The following ROBO1 variants were observed in gnomAD, a reference collection of about 807,000 sequenced individuals.
ROBO1 encodes roundabout guidance receptor 1, also known as roundabout homolog 1.
ROBO1 carries 149 observed loss-of-function variants against 195.9 expected under a neutral mutation model. The observed-to-expected ratio is 0.76, with a 90% confidence interval of 0.67 to 0.87. The LOEUF is 0.87. Among genes scored for constraint, ROBO1 ranks in the 40% least tolerant of loss-of-function variants. ROBO1 has a pLI of 0.00. For synonymous variants in ROBO1, 816 were observed against 733.2 expected (o/e 1.11, Z -1.82); for missense variants, 1,933 against 2,068.3 (o/e 0.93, Z 1.27).
At chr3:78,711,428 TTTCTTTCTTTCTTTCCTTCC>T (rs2081733700) in intron 8 of ROBO1, among the ~76,000 whole-genome samples, 1 of 105,900 alleles carries the variant, frequency 9.4e-6, no homozygotes, top group Non-Finnish European at 1.9e-5. Context: ...TCTTTCTTTC[TTTCTTTCTTTCTTTCCTTCC>T]TTCCTTCCTT....
chr3:79,146,953 G>A (rs908806141), intron 2 of ROBO1, among the ~76,000 whole-genome samples: 17 of 151,800 alleles, frequency 1.1e-4, no homozygotes, highest in Non-Finnish European at 2.1e-4. Context: ...GAGTGTAATG[G>A]ATATTTCTAA....
At chr3:79,364,075 G>A (rs1435147256) in intron 2 of ROBO1, among the ~76,000 whole-genome samples, 3 of 151,844 alleles carry the variant, frequency 2.0e-5, no homozygotes, top group South Asian at 2.1e-4. Flanking sequence ...GTGGTGGCAC[G>A]CACCTGTAGT....
At chr3:78,918,305 G>T (rs545867388) in intron 4 of ROBO1, among the ~76,000 whole-genome samples, 1 of 152,108 alleles carries the variant, frequency 6.6e-6, no homozygotes, top group South Asian at 2.1e-4. Context: ...TTTGCAAAGA[G>T]AAATATATAA....
chr3:79,732,663 C>T (rs981660338), intron 1 of ROBO1, among the ~76,000 whole-genome samples: 1 of 152,150 alleles, frequency 6.6e-6, no homozygotes, highest in Non-Finnish European at 1.5e-5. Context: ...TCACCGGGCA[C>T]TTTTGGCACC....
intron 2 of ROBO1, among the ~76,000 whole-genome samples, chr3:79,157,156 C>A (rs1327798519): frequency 6.6e-6 from 1 of 151,758 alleles, no homozygotes; most frequent in Non-Finnish European, 1.5e-5. Context: ...TTTGTTGCTG[C>A]CTTTACATTA....
intron 2 of ROBO1, among the ~76,000 whole-genome samples, chr3:79,367,343 CT>C (rs1315167210): frequency 1.3e-5 from 2 of 152,170 alleles, no homozygotes; most frequent in African/African-American, 4.8e-5. Context: ...CAATTCCTTT[CT>C]GATATTAATC....
intron 21 of ROBO1, among the ~76,000 whole-genome samples, chr3:78,642,719 T>G (rs561275743): frequency 2.4e-4 from 36 of 152,310 alleles, no homozygotes; most frequent in African/African-American, 7.9e-4. Flanking sequence ...TCCATGATCA[T>G]TTCCCTGGAT....
At chr3:79,262,931 C>A (rs534214134) in intron 2 of ROBO1, among the ~76,000 whole-genome samples, 1 of 152,124 alleles carries the variant, frequency 6.6e-6, no homozygotes, top group East Asian at 1.9e-4. Flanking sequence ...TCAAGTCAAC[C>A]ATTCTCTAAG....
At chr3:79,711,672 G>A (rs1171444884) in intron 1 of ROBO1, among the ~76,000 whole-genome samples, 2 of 143,778 alleles carry the variant, frequency 1.4e-5, no homozygotes, top group Non-Finnish European at 2.9e-5. Context: ...ACACACACAC[G>A]CAGGCATGCC....
chr3:78,706,774 A>C lies in ROBO1; in HGVS notation c.1045+7623T>G, dbSNP rs544184063. On this transcript the variant is annotated intron_variant, in intron 8 of 30. Coordinates refer to ENST00000464233, the MANE Select transcript of ROBO1 (RefSeq NM_002941.4). ...TAAAATGGGGCAATGATAAGAAGGCAAGGGAGGTGGTGAGAGAGTTGAGAA... is the reference window on the plus strand; with the variant it reads ...TAAAATGGGGCAATGATAAGAAGGCCAGGGAGGTGGTGAGAGAGTTGAGAA... Among the ~76,000 whole-genome samples, 5 of 152,294 alleles carry C rather than the reference A, an allele frequency of 3.3e-5. No homozygotes were observed. In the South Asian group the frequency reaches 1.0e-3, roughly 32 times the overall value.
At chr3:79,288,348 G>C (rs1295352014) in intron 2 of ROBO1, among the ~76,000 whole-genome samples, 1 of 152,064 alleles carries the variant, frequency 6.6e-6, no homozygotes, top group African/African-American at 2.4e-5. Context: ...CCAATGTTAA[G>C]TTTAAAGATA....
chr3:79,395,130 T>C (rs2037095363), intron 2 of ROBO1, among the ~76,000 whole-genome samples: 1 of 151,818 alleles, frequency 6.6e-6, no homozygotes, highest in African/African-American at 2.4e-5. Context: ...AAGACCATCC[T>C]GGCTAACATG....
At chr3:78,725,482 C>CT (rs1251894906) in intron 5 of ROBO1, among the ~76,000 whole-genome samples, 3 of 152,016 alleles carry the variant, frequency 2.0e-5, no homozygotes, top group African/African-American at 4.8e-5. Flanking sequence ...GAAATGACTA[C>CT]TTTTTTTAGG....
In ROBO1 at chr3:78,915,173, C is replaced by T. The variant is rs115882445; in HGVS notation, c.499+23428G>A. ...TTTGTACTCTGGGATCCTGGAAACACAATGCTCAAATATATGAAACTGACA... is the reference window on the plus strand; with the variant it reads ...TTTGTACTCTGGGATCCTGGAAACATAATGCTCAAATATATGAAACTGACA... On this transcript the variant is annotated intron_variant, in intron 4 of 30. Transcript: ENST00000464233. Among the ~76,000 whole-genome samples the T allele has an allele frequency of 2.2e-3, 342 of 152,146 alleles. 1 individual carries two copies. Among genetic ancestry groups the T allele is most frequent in the African/African-American group, 7.9e-3 (327 of 41,520 alleles).
intron 1 of ROBO1, among the ~76,000 whole-genome samples, chr3:79,636,139 G>T (rs1945488952): frequency 6.6e-6 from 1 of 152,076 alleles, no homozygotes; most frequent in South Asian, 2.1e-4. Flanking sequence ...GTGTGGGGGA[G>T]AATTTAAGGA....
rs571038596 is a variant in ROBO1 at position 79,568,922 on chromosome 3, C to A, written c.88+20902G>T. 2.0e-5 allele frequency among the ~76,000 whole-genome samples: 3 copies of A among 152,184 alleles called. 1 individual carries two copies. The highest frequency in any genetic ancestry group is 7.2e-5 in the African/African-American group (3 of 41,546). ...TCACAATCTACATATAATTTTGTTACATTTTTATTTTATGTAACATATTTA... is the reference window on the plus strand; with the variant it reads ...TCACAATCTACATATAATTTTGTTAAATTTTTATTTTATGTAACATATTTA... On this transcript the variant is annotated intron_variant, in intron 2 of 30. Transcript: ENST00000464233.
intron 4 of ROBO1, among the ~76,000 whole-genome samples, chr3:78,779,214 A>C (rs1020234167): frequency 2.6e-5 from 4 of 152,218 alleles, no homozygotes; most frequent in African/African-American, 9.6e-5. Flanking sequence ...TTCATGACTA[A>C]AACAACAAAA....
chr3:79,548,988 A>G (rs2107665728), intron 2 of ROBO1, among the ~76,000 whole-genome samples: 1 of 152,264 alleles, frequency 6.6e-6, no homozygotes, highest in Admixed American at 6.5e-5. Flanking sequence ...GTGGATGAAG[A>G]CACAGGTTTT....
chr3:78,646,207 A>G lies in ROBO1; in HGVS notation c.2840-17T>C, dbSNP rs748871631. ...GGTAAGTTACTAGAATGTTACGAAA[A>G]AAAAAAGGAACAATTAATAGACATA... On this transcript the variant is annotated splice_polypyrimidine_tract_variant and intron_variant, in intron 20 of 30. Coordinates refer to ENST00000464233, the MANE Select transcript of ROBO1 (RefSeq NM_002941.4). 6.2e-7 allele frequency: 1 copy of G among 1,605,294 alleles called. No individual in the cohort carries two copies. The highest frequency in any genetic ancestry group is 1.3e-5 in the African/African-American group (1 of 74,528).
Sources: gnomAD v4.1 joint callset for allele counts (sites outside exome capture counted in the v4.1 genomes callset) on GRCh38, gnomAD v4.1.1 for gene constraint, MANE v1.5 for transcripts, NCBI Gene and HGNC (gene_info 2026-07-23, HGNC 2026-07-21) for gene names.